MMS22L: variants seen among roughly 807,000 people sequenced by gnomAD.
MMS22L encodes the protein protein MMS22-like.
A neutral mutation model predicts 159.1 loss-of-function variants in MMS22L; 74 were observed. The observed-to-expected ratio is 0.47, with a 90% confidence interval of 0.39 to 0.56. MMS22L has a LOEUF of 0.56. Ranked by LOEUF, MMS22L falls within the 20% of genes least tolerant of loss-of-function variation. The pLI is 0.00. For synonymous variants in MMS22L, 517 were observed against 506.9 expected, an observed-to-expected ratio of 1.02 and a Z score of -0.27; for missense variants, 1,351 against 1,422.1, an observed-to-expected ratio of 0.95 and a Z score of 0.80.
At chr6:97,268,919 ATATG>A (rs1815435453) in intron 7 of MMS22L, among the ~76,000 whole-genome samples, 1 of 152,036 alleles carries the variant, frequency 6.6e-6, no homozygotes, top group African/African-American at 2.4e-5. Context: ...ATAGACATAT[ATATG>A]TATGTATTTA....
chr6:97,145,000 C>G lies in MMS22L; in HGVS notation c.*1806G>C, dbSNP rs1171551631. On this transcript the variant is annotated 3_prime_UTR_variant, in exon 25 of 25. Coordinates refer to ENST00000683635, the MANE Select transcript of MMS22L (RefSeq NM_001350599.2). ...GCAAGATTCTCAAAGGTATCTTTAT[C>G]AATCTCCTTTGGAAAAAAAAAACCC... The G allele has an allele frequency of 7.2e-6, 1 of 138,784 alleles. No individual in the cohort carries two copies. The highest frequency in any genetic ancestry group is 1.5e-5 in the Non-Finnish European group (1 of 64,766). The allele number at this position is 138,784 out of a possible 1,614,324, so 8.6% of individuals were successfully genotyped here.
intron 4 of MMS22L, 84 bp from the exon 5 acceptor site, chr6:97,273,146 G>A (rs1281982655): frequency 9.8e-7 from 1 of 1,021,410 alleles, no homozygotes; most frequent in Admixed American, 2.2e-5. Flanking sequence ...CATACCGGCA[G>A]CAATTCTCTA....
At position 97,145,274 on chromosome 6, in the gene MMS22L, C is replaced by G. The variant is rs1052931172; in HGVS notation, c.*1532G>C. 1 of 152,016 alleles carries G rather than the reference C, an allele frequency of 6.6e-6. No homozygotes were observed. Among genetic ancestry groups the G allele is most frequent in the African/African-American group, 2.4e-5 (1 of 41,374 alleles). 9.4% of individuals were successfully genotyped at this position (152,016 alleles called of 1,614,324 possible). ...GATGAAGCTGATTTGAGAGAAGGAC[C>G]ATTTATATGTTATGAAAATAACAGA... On this transcript the variant is annotated 3_prime_UTR_variant, in exon 25 of 25. Transcript: ENST00000683635.
At chr6:97,281,188 C>A (rs1218073025) in intron 3 of MMS22L, 49 bp downstream of exon 3, 1 of 1,544,988 alleles carries the variant, frequency 6.5e-7, no homozygotes, top group Non-Finnish European at 8.7e-7. Flanking sequence ...ACGTAATTTA[C>A]AAAAGTGAAC....
chr6:97,151,567 C>G (rs1182341510), intron 23 of MMS22L: 1 of 481,856 alleles, frequency 2.1e-6, no homozygotes, highest in Non-Finnish European at 3.8e-6. Flanking sequence ...ATTTTAAGTC[C>G]CCTCACTTAT....
rs1276551564 is a variant in MMS22L, at chr6:97,178,469, T to C, written c.2653A>G (p.Lys885Glu). The change falls in exon 18 of 25, where the codon AAA (lysine) becomes GAA (glutamate). Residue 885 changes from lysine (K) to glutamate (E), a missense_variant. Physicochemically the swap from Lys to Glu is moderately conservative, Grantham distance 56 (BLOSUM62 1). Coordinates refer to ENST00000683635, the MANE Select transcript of MMS22L (RefSeq NM_001350599.2). ...TCAAAGAATCGAACAAGTGCTTTTT[T>C]AGGGTCTTCTGAGATGGATAAATAT... ...VEYLSISEDP[K>E]KALVRFFEAV... 1.3e-6 allele frequency: 2 copies of C among 1,566,722 alleles called. No individual in the cohort carries two copies. Among genetic ancestry groups the C allele is most frequent in the Middle Eastern group, 1.7e-4 (1 of 5,868 alleles).
intron 14 of MMS22L, among the ~76,000 whole-genome samples, chr6:97,220,988 ACACACACACACACAC>A (rs1410534123): frequency 6.6e-6 from 1 of 151,242 alleles, no homozygotes; most frequent in African/African-American, 2.4e-5. Context: ...ACACACACAC[ACACACACACACACAC>A]GTCCATTGAT....
Position 97,282,310 on chromosome 6 carries a change from C to T in MMS22L, c.164+4G>A. 1 of 1,612,878 alleles carries T rather than the reference C, an allele frequency of 6.2e-7. No individual in the cohort carries two copies. Among genetic ancestry groups the T allele is most frequent in the Non-Finnish European group, 8.5e-7 (1 of 1,179,496 alleles). The stretch of plus-strand genomic sequence containing the variant: ...GAGGGAAAATGTCTCTGAGTTTTAC[C>T]TACCGCTTAAGGGCTCCGCTGCAGA... On this transcript the variant is annotated splice_donor_region_variant and intron_variant, in intron 2 of 24. Coordinates refer to ENST00000683635, the MANE Select transcript of MMS22L (RefSeq NM_001350599.2).
chr6:97,216,526 G>A (rs1332878288), intron 14 of MMS22L, among the ~76,000 whole-genome samples: 2 of 152,088 alleles, frequency 1.3e-5, no homozygotes, highest in East Asian at 3.9e-4. Flanking sequence ...ATGTACCAAA[G>A]TCACAATTTT....
chr6:97,273,031 G>A lies in MMS22L; in HGVS notation c.372C>T (p.Asp124=). The change falls in exon 5 of 25, where the codon GAC becomes GAT. Residue 124 remains aspartate (D), a synonymous_variant. Transcript: ENST00000683635. The part of the protein sequence containing the change: ...GKVSTLHCKA[D]NIRQQCVLFL... Reference sequence around the variant, plus strand: ...ATAGTACACACTGCTGCCTAATATTGTCTGCTTTGCAGTGTAGAGTTGATA... The same window carrying A: ...ATAGTACACACTGCTGCCTAATATTATCTGCTTTGCAGTGTAGAGTTGATA... 6.2e-7 allele frequency: 1 copy of A among 1,612,544 alleles called. No homozygotes were observed. Among genetic ancestry groups the A allele is most frequent in the Admixed American group, 1.7e-5 (1 of 59,754 alleles).
intron 21 of MMS22L, among the ~76,000 whole-genome samples, chr6:97,163,260 A>C (rs1260550083): frequency 6.6e-6 from 1 of 152,024 alleles, no homozygotes; most frequent in Non-Finnish European, 1.5e-5. Context: ...GGAGTGGAGA[A>C]GTTAAATGAG....
intron 14 of MMS22L, among the ~76,000 whole-genome samples, chr6:97,222,102 A>C (rs768847637): frequency 9.9e-5 from 15 of 151,982 alleles, no homozygotes; most frequent in Non-Finnish European, 1.8e-4. Flanking sequence ...TGCCTAGGCA[A>C]TCCCCAGTTC....
chr6:97,238,738 T>C (rs1285925597), intron 11 of MMS22L, among the ~76,000 whole-genome samples: 1 of 147,326 alleles, frequency 6.8e-6, no homozygotes. Context: ...TTTTGAACAA[T>C]CAAATGTACG....
chr6:97,213,458 T>G (rs1245762347), intron 14 of MMS22L, among the ~76,000 whole-genome samples: 1 of 151,700 alleles, frequency 6.6e-6, no homozygotes. Context: ...CCCACTTTTG[T>G]CCCCCCACCC....
At chr6:97,198,627 G>A (rs185746480) in intron 14 of MMS22L, among the ~76,000 whole-genome samples, 169 of 152,210 alleles carry the variant, frequency 1.1e-3, no homozygotes, top group African/African-American at 3.7e-3. Context: ...CTTGGGGTGG[G>A]AGGTGGGAGG....
intron 9 of MMS22L, among the ~76,000 whole-genome samples, chr6:97,258,070 G>A (rs1814022456): frequency 6.6e-6 from 1 of 152,110 alleles, no homozygotes; most frequent in Non-Finnish European, 1.5e-5. Context: ...TATCAGTAGG[G>A]ACTCACAGAT....
intron 19 of MMS22L, among the ~76,000 whole-genome samples, chr6:97,172,011 G>A (rs1170335250): frequency 6.6e-6 from 1 of 152,024 alleles, no homozygotes; most frequent in Non-Finnish European, 1.5e-5. Flanking sequence ...AATCAACAAG[G>A]CAGCAAAGCA....
chr6:97,221,215 A>C (rs1046955943), intron 14 of MMS22L, among the ~76,000 whole-genome samples: 1 of 152,152 alleles, frequency 6.6e-6, no homozygotes, highest in African/African-American at 2.4e-5. Context: ...ACAAATAAGT[A>C]AGTCAAGATT....
chr6:97,283,271 C>T (rs1321736117), upstream of MMS22L: 3 of 152,208 alleles, frequency 2.0e-5, no homozygotes, highest in Non-Finnish European at 4.4e-5. Context: ...GATATCTGCG[C>T]GGAAACAGTC....
Sources: allele counts gnomAD v4.1 joint callset (sites outside exome capture counted in the v4.1 genomes callset), GRCh38; gene constraint gnomAD v4.1.1; transcripts MANE v1.5; gene names NCBI Gene and HGNC (gene_info 2026-07-23, HGNC 2026-07-21).